The following CREB5 variants were observed in gnomAD, a reference collection of about 807,000 sequenced individuals.
CREB5 encodes cyclic AMP-responsive element-binding protein 5.
Under a neutral mutation model 57.1 loss-of-function variants are expected in CREB5, and 19 were observed. The ratio of observed to expected loss-of-function variants is 0.33; its 90% CI spans 0.23 to 0.49. The LOEUF is 0.49. Among genes scored for constraint, CREB5 ranks in the 20% least tolerant of loss-of-function variants. The probability of loss-of-function intolerance (pLI) is 0.99; values close to 1 mark genes in which losing one functional copy is unlikely to be tolerated. For missense variants in CREB5, 579 were observed against 671.6 expected (o/e 0.86, Z 1.52); for synonymous variants, 238 against 238.3 (o/e 1.00, Z 0.01).
intron 3 of CREB5, among the ~76,000 whole-genome samples, chr7:28,496,611 A>T (rs1050771347): frequency 4.6e-5 from 7 of 152,098 alleles, no homozygotes; most frequent in African/African-American, 1.7e-4. Flanking sequence ...CTACTGCATC[A>T]TCAGACTTTG....
At chr7:28,437,660 C>G (rs945245009) in intron 1 of CREB5, among the ~76,000 whole-genome samples, 4 of 152,064 alleles carry the variant, frequency 2.6e-5, no homozygotes, top group Non-Finnish European at 5.9e-5. Flanking sequence ...GTAGTTAGTA[C>G]TATAATCTAA....
At chr7:28,414,287 CT>C (rs11347506) in intron 1 of CREB5, among the ~76,000 whole-genome samples, 57,587 of 148,590 alleles carry the variant, frequency 0.39, 12,792 homozygotes, top group African/African-American at 0.62. Flanking sequence ...AATTTAAGGT[CT>C]TTTTTTTTTT....
intron 1 of CREB5, among the ~76,000 whole-genome samples, chr7:28,381,392 C>G (rs1489376484): frequency 6.6e-6 from 1 of 152,098 alleles, no homozygotes; most frequent in Non-Finnish European, 1.5e-5. Flanking sequence ...GGAAGGAAAC[C>G]AATGAGAGTG....
chr7:28,399,051 C>T (rs1234647919), intron 1 of CREB5, among the ~76,000 whole-genome samples: 1 of 152,082 alleles, frequency 6.6e-6, no homozygotes, highest in African/African-American at 2.4e-5. Flanking sequence ...TTCTATTATA[C>T]ATACCTATCA....
intron 7 of CREB5, among the ~76,000 whole-genome samples, chr7:28,777,753 A>C (rs960989000): frequency 2.0e-5 from 3 of 152,182 alleles, no homozygotes; most frequent in African/African-American, 7.2e-5. Context: ...ATGCTCAGTG[A>C]ATTTTTAAAA....
intron 1 of CREB5, among the ~76,000 whole-genome samples, chr7:28,315,969 G>A (rs1338569843): frequency 6.6e-6 from 1 of 152,094 alleles, no homozygotes; most frequent in Non-Finnish European, 1.5e-5. Flanking sequence ...TTTTTTACCT[G>A]CCAACCACAT....
chr7:28,628,752 A>G (rs1798095893), intron 5 of CREB5, among the ~76,000 whole-genome samples: 1 of 152,086 alleles, frequency 6.6e-6, no homozygotes, highest in African/African-American at 2.4e-5. Flanking sequence ...TTCTAGGAAA[A>G]TCCTTATAGA....
rs534480439 is a variant in CREB5, at chr7:28,554,890, A to T, written c.292-15475A>T. Reference sequence around the variant, plus strand: ...CGGACTTGGGGAGAGCTTGAATACAAGGAGAATCTTTCATTATTCATCTCT... The same window carrying T: ...CGGACTTGGGGAGAGCTTGAATACATGGAGAATCTTTCATTATTCATCTCT... On this transcript the variant is annotated intron_variant, in intron 4 of 10. Transcript: ENST00000357727. Among the ~76,000 whole-genome samples the T allele has an allele frequency of 6.2e-4, 94 of 152,376 alleles. 1 individual carries two copies. The South Asian group carries it at 0.019, about 32-fold the overall frequency.
intron 4 of CREB5, among the ~76,000 whole-genome samples, chr7:28,522,191 A>G (rs1256260377): frequency 6.6e-6 from 1 of 152,196 alleles, no homozygotes. Flanking sequence ...GATTGAGTAT[A>G]TAGGACTGTC....
intron 5 of CREB5, among the ~76,000 whole-genome samples, chr7:28,617,392 T>C (rs1797631804): frequency 6.6e-6 from 1 of 152,220 alleles, no homozygotes; most frequent in Non-Finnish European, 1.5e-5. Flanking sequence ...AGGTTCCAAA[T>C]AGGAATTATG....
chr7:28,572,227 C>T (rs938411720), intron 5 of CREB5, among the ~76,000 whole-genome samples: 2 of 152,154 alleles, frequency 1.3e-5, no homozygotes, highest in African/African-American at 4.8e-5. Context: ...GCTGTGGGTG[C>T]GTTTGGTTTT....
intron 5 of CREB5, among the ~76,000 whole-genome samples, chr7:28,607,274 A>T (rs1248985599): frequency 1.3e-5 from 2 of 152,178 alleles, no homozygotes; most frequent in African/African-American, 4.8e-5. Context: ...TGTGGATAAA[A>T]CTAACCGAGA....
At chr7:28,794,044 A>G (rs964677793) in intron 7 of CREB5, among the ~76,000 whole-genome samples, 11 of 152,234 alleles carry the variant, frequency 7.2e-5, no homozygotes, top group Admixed American at 5.9e-4. Flanking sequence ...TTAAAATCCC[A>G]AAGTTAATGC....
intron 4 of CREB5, among the ~76,000 whole-genome samples, chr7:28,536,494 C>T (rs985617035): frequency 6.6e-6 from 1 of 152,186 alleles, no homozygotes; most frequent in Non-Finnish European, 1.5e-5. Context: ...TGACCCAGCT[C>T]AGACCTGAAC....
chr7:28,560,932 G>GCA (rs1255521666), intron 4 of CREB5, among the ~76,000 whole-genome samples: 6 of 45,266 alleles, frequency 1.3e-4, no homozygotes, highest in Admixed American at 2.6e-4. Flanking sequence ...GCGCGTGCGT[G>GCA]TGTGCGTGCG....
intron 1 of CREB5, among the ~76,000 whole-genome samples, chr7:28,383,522 C>T (rs140769179): frequency 2.5e-4 from 38 of 152,188 alleles, no homozygotes; most frequent in African/African-American, 7.9e-4. Flanking sequence ...GATTTAATGG[C>T]GGAAGGTGAA....
intron 7 of CREB5, chr7:28,724,537 G>A: frequency 1.8e-6 from 1 of 544,346 alleles, no homozygotes; most frequent in Non-Finnish European, 3.3e-6. Flanking sequence ...GCACTGGATT[G>A]GCAAGTGGTA....
At chr7:28,486,430 G>A (rs1014176415) in intron 1 of CREB5, among the ~76,000 whole-genome samples, 1 of 151,540 alleles carries the variant, frequency 6.6e-6, no homozygotes, top group Admixed American at 6.6e-5. Context: ...CTATTTCAGG[G>A]TCCAAGGTGA....
At chr7:28,317,998 C>G (rs144708553) in intron 1 of CREB5, among the ~76,000 whole-genome samples, 1 of 152,190 alleles carries the variant, frequency 6.6e-6, no homozygotes, top group South Asian at 2.1e-4. Flanking sequence ...TTTCCAAATA[C>G]ACTTCTGAAA....
Sources: allele counts gnomAD v4.1 joint callset (sites outside exome capture counted in the v4.1 genomes callset), GRCh38; gene constraint gnomAD v4.1.1; transcripts MANE v1.5; gene names NCBI Gene and HGNC (gene_info 2026-07-23, HGNC 2026-07-21).